HERC1: variants seen among roughly 807,000 people sequenced by gnomAD.
HERC1 encodes the protein probable E3 ubiquitin-protein ligase HERC1.
A neutral mutation model predicts 554.3 loss-of-function variants in HERC1; 160 were observed. The ratio of observed to expected loss-of-function variants is 0.29; its 90% CI spans 0.25 to 0.33. The LOEUF (loss-of-function observed/expected upper bound fraction) is 0.33. HERC1 is among the 10% of genes least tolerant of loss of function. The probability of loss-of-function intolerance (pLI) is 1.00; values close to 1 mark genes in which losing one functional copy is unlikely to be tolerated. For missense variants in HERC1, 4,919 were observed against 5,918.5 expected (o/e 0.83, Z 5.54); for synonymous variants, 2,175 against 2,131.7 (o/e 1.02, Z -0.56).
intron 39 of HERC1, among the ~76,000 whole-genome samples, chr15:63,672,274 G>A (rs888459886): frequency 6.6e-6 from 1 of 152,202 alleles, no homozygotes; most frequent in African/African-American, 2.4e-5. Flanking sequence ...CAGCTGATTA[G>A]ACCTGGGATC....
rs1323143749 is a variant in HERC1 at position 63,686,567 on chromosome 15, G to A, written c.6049-32C>T. ...GAAAAGAAGCTGGGTCAGCATTTTG[G>A]AATAATCCATGTCTCAGATAAGATA... On this transcript the variant is annotated intron_variant, in intron 33 of 77. Transcript: ENST00000443617. 2.5e-6 allele frequency: 4 copies of A among 1,587,612 alleles called. No individual in the cohort carries two copies. In the African/African-American group the frequency reaches 4.1e-5, roughly 16 times the overall value.
Position 63,753,041 on chromosome 15 carries a change from C to A in HERC1, c.1819G>T (p.Val607Phe). 6.2e-7 allele frequency: 1 copy of A among 1,613,078 alleles called. No homozygotes were observed. Among genetic ancestry groups the A allele is most frequent in the Non-Finnish European group, 8.5e-7 (1 of 1,179,364 alleles). The stretch of plus-strand genomic sequence containing the variant: ...AACATTCCTTGTAAAGCTTCAATAA[C>A]TTTAGGTTTATACACTCTGTTGGTA... ...GDTNRVYKPK[V>F]IEALQGMFIR... The change falls in exon 8 of 78, where the codon GTT (valine) becomes TTT (phenylalanine). Residue 607 changes from valine to phenylalanine, a missense_variant. Coordinates refer to ENST00000443617, the MANE Select transcript of HERC1 (RefSeq NM_003922.4).
chr15:63,786,971 C>T (rs978708083), intron 1 of HERC1, among the ~76,000 whole-genome samples: 5 of 140,338 alleles, frequency 3.6e-5, no homozygotes, highest in Non-Finnish European at 7.6e-5. Flanking sequence ...GTTGCCCAGT[C>T]GGTAGTGCAA....
At chr15:63,655,360 A>G (rs1470642423) in intron 50 of HERC1, among the ~76,000 whole-genome samples, 1 of 152,202 alleles carries the variant, frequency 6.6e-6, no homozygotes, top group Non-Finnish European at 1.5e-5. Flanking sequence ...TCTCAAAAAG[A>G]AACAAAAAAC....
At chr15:63,745,391 C>T (rs1367584841) in intron 12 of HERC1, among the ~76,000 whole-genome samples, 6 of 152,336 alleles carry the variant, frequency 3.9e-5, no homozygotes, top group Middle Eastern at 3.4e-3. Flanking sequence ...ACACAGAGCA[C>T]TATAGCCCTC....
chr15:63,635,486 G>A (rs2068741916), intron 65 of HERC1, among the ~76,000 whole-genome samples: 1 of 152,174 alleles, frequency 6.6e-6, no homozygotes, highest in Non-Finnish European at 1.5e-5. Context: ...ACATGACCTA[G>A]ACTAAATGAG....
chr15:63,776,574 G>C (rs1006786537), intron 1 of HERC1, among the ~76,000 whole-genome samples: 3 of 152,192 alleles, frequency 2.0e-5, no homozygotes, highest in African/African-American at 7.2e-5. Flanking sequence ...CCTCTAGAGG[G>C]TGACAGCATG....
intron 76 of HERC1, 92 bp downstream of exon 76, chr15:63,615,676 T>C (rs2152726162): frequency 1.1e-6 from 1 of 904,006 alleles, no homozygotes; most frequent in Non-Finnish European, 1.6e-6. Context: ...ACACAGTAAA[T>C]ACATATTAGC....
intron 77 of HERC1, 117 bp from the exon 78 acceptor site, chr15:63,609,383 G>A: frequency 1.1e-6 from 1 of 907,552 alleles, no homozygotes; most frequent in Non-Finnish European, 1.6e-6. Flanking sequence ...ACATGGTTAA[G>A]TCAAGTGGAC....
At chr15:63,639,508 C>T (rs1196033119) in intron 61 of HERC1, among the ~76,000 whole-genome samples, 1 of 152,130 alleles carries the variant, frequency 6.6e-6, no homozygotes, top group Non-Finnish European at 1.5e-5. Flanking sequence ...GAACATATCC[C>T]CATCATTAAG....
chr15:63,693,525 T>C (rs1421243787), intron 30 of HERC1, among the ~76,000 whole-genome samples: 1 of 152,172 alleles, frequency 6.6e-6, no homozygotes, highest in Non-Finnish European at 1.5e-5. Context: ...ATTACGGTTG[T>C]GAGCCACTGC....
At chr15:63,798,548 A>C (rs2076880291) in intron 1 of HERC1, among the ~76,000 whole-genome samples, 1 of 126,222 alleles carries the variant, frequency 7.9e-6, no homozygotes, top group Admixed American at 7.6e-5. Flanking sequence ...CAAACTTTAC[A>C]AAAAAAAAAA....
Position 63,775,547 on chromosome 15 carries a change from T to G in HERC1, c.77A>C (p.Glu26Ala). ...LNSSWITEDS[E>A]SIATREGVAV... The stretch of plus-strand genomic sequence containing the variant: ...AACTCCCTCTCTTGTAGCAATAGAT[T>G]CACTGTCCTCTGTAATCCAGGAGCT... Residue 26 changes from glutamate to alanine, a missense_variant, in exon 2 of 78, where the codon GAA (glutamate) becomes GCA (alanine). Transcript: ENST00000443617. This position sits in a 1 kb window ranked among gnomAD's most constrained non-coding sequence, Gnocchi z 4.0. 6.2e-7 allele frequency: 1 copy of G among 1,613,906 alleles called. No individual in the cohort carries two copies. Among genetic ancestry groups the G allele is most frequent in the Non-Finnish European group, 8.5e-7 (1 of 1,179,806 alleles).
intron 10 of HERC1, 95 bp from the exon 11 acceptor site, chr15:63,747,953 C>A: frequency 8.0e-7 from 1 of 1,251,822 alleles, no homozygotes; most frequent in Non-Finnish European, 1.1e-6. Context: ...TGGCTGGGCA[C>A]GGTGGCTCAT....
chr15:63,729,553 G>A lies in HERC1; in HGVS notation c.2965C>T (p.Leu989=), dbSNP rs2074189529. The part of the protein sequence containing the change: ...NSQPAHLHEL[L]CSLQKQLLAF... ...AGCAGCTGTTTCTGTAGTGAACATA[G>A]CAGTTCATGAAGATGAGCAGGCTGA... The change falls in exon 15 of 78, where the codon CTA becomes TTA. Residue 989 remains leucine (L), a synonymous_variant. Coordinates refer to ENST00000443617, the MANE Select transcript of HERC1 (RefSeq NM_003922.4). 4 of 1,613,510 alleles carry A rather than the reference G, an allele frequency of 2.5e-6. No individual in the cohort carries two copies.
intron 1 of HERC1, among the ~76,000 whole-genome samples, chr15:63,789,667 G>A (rs149627794): frequency 0.013 from 2,006 of 151,532 alleles, 24 homozygotes; most frequent in East Asian, 0.023. Flanking sequence ...GCGTTGTGGC[G>A]GGCACCTGTA....
rs2075416112 is a variant in HERC1, at chr15:63,756,220, T to A, written c.1533+217A>T. Among the ~76,000 whole-genome samples, 1 of 151,990 alleles carries A rather than the reference T, an allele frequency of 6.6e-6. No individual in the cohort carries two copies. Among genetic ancestry groups the A allele is most frequent in the South Asian group, 2.1e-4 (1 of 4,828 alleles). ...AGTTTGCTTATCTGTGAAATAGGGATAATAACTACCTTACAAGAATAATTA... is the reference window on the plus strand; with the variant it reads ...AGTTTGCTTATCTGTGAAATAGGGAAAATAACTACCTTACAAGAATAATTA... On this transcript the variant is annotated intron_variant, in intron 5 of 77. Coordinates refer to ENST00000443617, the MANE Select transcript of HERC1 (RefSeq NM_003922.4). This position sits in a 1 kb window ranked among gnomAD's most constrained non-coding sequence, Gnocchi z 5.0.
rs1170694009 is a variant in HERC1, at chr15:63,758,244, C to T, written c.1152G>A (p.Gln384=). Residue 384 remains glutamine, a synonymous_variant, in exon 4 of 78, where the codon CAG becomes CAA. Transcript: ENST00000443617. This position sits in a 1 kb window ranked among gnomAD's most constrained non-coding sequence, Gnocchi z 4.0. The part of the protein sequence containing the change: ...VYVWGSNSSH[Q]LVEGTQEKIL... ...TTTTCTCCTGTGTACCTTCTACCAA[C>T]TGATGGCTGCTATTGCTCCCCCAAA... 6 of 1,613,926 alleles carry T rather than the reference C, an allele frequency of 3.7e-6. No homozygotes were observed. In the South Asian group the frequency reaches 5.5e-5, roughly 15 times the overall value.
chr15:63,754,798 C>A (rs1469464301), intron 6 of HERC1, 150 bp from the exon 7 acceptor site: 1 of 792,794 alleles, frequency 1.3e-6, no homozygotes, highest in African/African-American at 1.7e-5. Flanking sequence ...TCATTTCTAA[C>A]ATCTTCTCAA....
Sources: allele counts gnomAD v4.1 joint callset (sites outside exome capture counted in the v4.1 genomes callset), GRCh38; gene constraint gnomAD v4.1.1; non-coding constraint Gnocchi (gnomAD v3.1); transcripts MANE v1.5; gene names NCBI Gene and HGNC (gene_info 2026-07-23, HGNC 2026-07-21).